The following MNT variants were observed in gnomAD, a reference collection of about 807,000 sequenced individuals.
MNT encodes MAX network transcriptional repressor.
Under a neutral mutation model 40.7 loss-of-function variants are expected in MNT, and 13 were observed. That is an observed-to-expected ratio of 0.32 (90% CI 0.21 to 0.51). The LOEUF (loss-of-function observed/expected upper bound fraction) is 0.51. Ranked by LOEUF, MNT falls within the 20% of genes least tolerant of loss-of-function variation. MNT has a pLI of 0.98. For missense variants in MNT, 757 were observed against 792.0 expected (o/e 0.96, Z 0.53); for synonymous variants, 426 against 354.8 (o/e 1.20, Z -2.26).
At chr17:2,389,879 G>A (rs557016747) in intron 4 of MNT, 1 of 152,630 alleles carries the variant, frequency 6.6e-6, no homozygotes, top group Middle Eastern at 3.3e-3. Context: ...TCTGGGTGGG[G>A]CGGTGGGTCA....
At chr17:2,395,555 C>A in intron 1 of MNT, 101 bp from the exon 2 acceptor site, 4 of 1,545,304 alleles carry the variant, frequency 2.6e-6, no homozygotes, top group Non-Finnish European at 3.5e-6. Flanking sequence ...CTCAGTGACA[C>A]CCCTGCTCAG....
intron 1 of MNT, chr17:2,396,324 C>A: frequency 6.5e-6 from 1 of 153,592 alleles, no homozygotes. Flanking sequence ...CCACCAGCAG[C>A]AGCGCCAGCA....
At chr17:2,394,467 A>C in intron 2 of MNT, 121 bp from the exon 3 acceptor site, 1 of 1,450,024 alleles carries the variant, frequency 6.9e-7, no homozygotes, top group Non-Finnish European at 9.5e-7. Flanking sequence ...CTTAAAGCAG[A>C]CTGGGAGACG....
At position 2,384,918 on chromosome 17, in the gene MNT, A is replaced by G. The variant is rs1324637317; in HGVS notation, c.*1983T>C. ...AGGTATCTGTGCAGGCCCGGGGGCC[A>G]CTGGCCTCAGGATGCAGGGAGAGGT... On this transcript the variant is annotated 3_prime_UTR_variant, in exon 6 of 6. Coordinates refer to ENST00000174618, the MANE Select transcript of MNT (RefSeq NM_020310.3). 4 of 152,474 alleles carry G rather than the reference A, an allele frequency of 2.6e-5. No homozygotes were observed. Among genetic ancestry groups the G allele is most frequent in the African/African-American group, 9.7e-5 (4 of 41,398 alleles). The allele number at this position is 152,474 out of a possible 1,614,324, so 9.4% of individuals were successfully genotyped here.
At position 2,400,941 on chromosome 17, in the gene MNT, A is replaced by G. The variant is rs1384114627; in HGVS notation, c.-229T>C. The stretch of plus-strand genomic sequence containing the variant: ...TGCAAATTTAAAAAAATGGGATGCA[A>G]AAAAAAAAAAAAGGCGGCACTGCCT... On this transcript the variant is annotated 5_prime_UTR_variant, in exon 1 of 6. Coordinates refer to ENST00000174618, the MANE Select transcript of MNT (RefSeq NM_020310.3). The G allele has an allele frequency of 9.7e-6, 2 of 206,778 alleles. No individual in the cohort carries two copies. Among genetic ancestry groups the G allele is most frequent in the Non-Finnish European group, 1.9e-5 (2 of 103,982 alleles). 12.8% of individuals were successfully genotyped at this position (206,778 alleles called of 1,614,324 possible).
At chr17:2,388,299 G>A in intron 4 of MNT, 1 of 476,436 alleles carries the variant, frequency 2.1e-6, no homozygotes, top group South Asian at 3.3e-5. Context: ...AGGTGTGCAG[G>A]TCCTTCCCTG....
chr17:2,395,209 A>AGGGTGG lies in MNT; in HGVS notation c.313_318dup (p.Pro105_Pro106dup). ...GGCAGAGGCTGGGCTGCCGCGGGCAAGGGTGGGGGTGGGGGTAGAGGCTGA... is the reference window on the plus strand; with the variant it reads ...GGCAGAGGCTGGGCTGCCGCGGGCAAGGGTGGGGGTGGGGGTGGGGGTAGAGGCTGA... On this transcript the variant is annotated inframe_insertion, in exon 2 of 6. Transcript: ENST00000174618. 1 of 471,202 alleles carries AGGGTGG rather than the reference A, an allele frequency of 2.1e-6. No homozygotes were observed. The highest frequency in any genetic ancestry group is 3.0e-6 in the Non-Finnish European group (1 of 331,160). The allele number at this position is 471,202 out of a possible 1,614,324, so 29.2% of individuals were successfully genotyped here.
intron 4 of MNT, chr17:2,390,999 T>C (rs1371297947): frequency 6.6e-6 from 1 of 152,258 alleles, no homozygotes; most frequent in African/African-American, 2.4e-5. Context: ...GTGGCTTTTC[T>C]TTTTTTGGAG....
chr17:2,398,629 C>T (rs1314113106), intron 1 of MNT, among the ~76,000 whole-genome samples: 2 of 152,222 alleles, frequency 1.3e-5, no homozygotes, highest in Non-Finnish European at 1.5e-5. Flanking sequence ...TCTACAAAGA[C>T]CTCTGACCGG....
chr17:2,394,277 G>GCACGCACGCACACACACACACA lies in MNT; in HGVS notation c.695+27_695+28insTGTGTGTGTGTGTGCGTGCGTG, dbSNP rs539682697. The GCACGCACGCACACACACACACA allele has an allele frequency of 1.7e-5, 25 of 1,489,240 alleles. No homozygotes were observed. The East Asian group carries it at 2.4e-4, about 14-fold the overall frequency. The allele number at this position is 1,489,240 out of a possible 1,614,324, so 92.3% of individuals were successfully genotyped here. On this transcript the variant is annotated intron_variant, in intron 3 of 5. Coordinates refer to ENST00000174618, the MANE Select transcript of MNT (RefSeq NM_020310.3). ...CCGGGTCGCGCGCGCACGCACGCAC[G>GCACGCACGCACACACACACACA]CACACACACACACACACACACACAC... is the stretch of plus-strand genomic sequence containing the variant.
At chr17:2,388,577 G>A (rs544936960) in intron 4 of MNT, among the ~76,000 whole-genome samples, 7 of 151,928 alleles carry the variant, frequency 4.6e-5, no homozygotes, top group Admixed American at 3.3e-4. Flanking sequence ...CCCCCTAGGC[G>A]ACTCTCCACT....
At chr17:2,388,482 G>A (rs900531158) in intron 4 of MNT, among the ~76,000 whole-genome samples, 2 of 152,058 alleles carry the variant, frequency 1.3e-5, no homozygotes, top group African/African-American at 2.4e-5. Flanking sequence ...TGCACGATGA[G>A]CCACTAGGCA....
In MNT at chr17:2,401,030, C is replaced by A. The variant is rs2066611539; in HGVS notation, c.-318G>T. ...TCCCGCCCCGCGGCCCCCGGGAGTC[C>A]CGCCGACAAGAAAGGGCTTTGCAAC... is the stretch of plus-strand genomic sequence containing the variant. On this transcript the variant is annotated 5_prime_UTR_variant, in exon 1 of 6. Coordinates refer to ENST00000174618, the MANE Select transcript of MNT (RefSeq NM_020310.3). 1 of 252,134 alleles carries A rather than the reference C, an allele frequency of 4.0e-6. No individual in the cohort carries two copies. Among genetic ancestry groups the A allele is most frequent in the Non-Finnish European group, 7.6e-6 (1 of 131,568 alleles). 15.6% of individuals were successfully genotyped at this position (252,134 alleles called of 1,614,324 possible).
In MNT at chr17:2,400,992, C is replaced by T. The variant is rs2066611374; in HGVS notation, c.-280G>A. On this transcript the variant is annotated 5_prime_UTR_variant, in exon 1 of 6. Transcript: ENST00000174618. ...CCCTTCTTCCCCTCCCTCTCTACCT[C>T]CCTTCCGATGCCTCCCGCCCCGCGG... 1 of 318,534 alleles carries T rather than the reference C, an allele frequency of 3.1e-6. No individual in the cohort carries two copies. The highest frequency in any genetic ancestry group is 5.4e-5 in the Admixed American group (1 of 18,586). 19.7% of individuals were successfully genotyped at this position (318,534 alleles called of 1,614,324 possible).
rs370273802 is a variant in MNT, at chr17:2,395,352, C to T, written c.176G>A (p.Arg59His). The change falls in exon 2 of 6, where the codon CGC (arginine) becomes CAC (histidine). Residue 59 changes from arginine to histidine, a missense_variant. This residue lies in a region of MNT where 335 missense variants were observed against 291.4 expected (regional missense o/e 1.15). Coordinates refer to ENST00000174618, the MANE Select transcript of MNT (RefSeq NM_020310.3). ...LAHTLPVEEP[R>H]MEAPPLPLSP... is the part of the protein sequence containing the mutation. ...CAGAGGCAGGGGTGGCGCCTCCATG[C>T]GGGGTTCCTCCACAGGAAGGGTATG... The T allele has an allele frequency of 3.2e-5, 52 of 1,612,768 alleles. No homozygotes were observed. Among genetic ancestry groups the T allele is most frequent in the Admixed American group, 2.0e-4 (12 of 59,936 alleles).
At position 2,387,462 on chromosome 17, in the gene MNT, G is replaced by A. The variant is rs2066475274; in HGVS notation, c.1188C>T (p.Leu396=). 6.2e-7 allele frequency: 1 copy of A among 1,611,742 alleles called. No individual in the cohort carries two copies. The highest frequency in any genetic ancestry group is 1.7e-5 in the Admixed American group (1 of 59,910). ...PHSVALPPAH[L]PVQQQQPQQK... is the part of the protein sequence containing the mutation. ...GCTGTGGCTGCTGCTGCTGCACGGG[G>A]AGGTGGGCAGGAGGTAGGGCCACGG... The change falls in exon 6 of 6, where the codon CTC becomes CTT. Residue 396 remains leucine (L), a synonymous_variant. Transcript: ENST00000174618.
At chr17:2,392,110 C>G (rs1400343696) in intron 4 of MNT, 1 of 152,210 alleles carries the variant, frequency 6.6e-6, no homozygotes, top group Non-Finnish European at 1.5e-5. Context: ...ATCCCGCCGC[C>G]CGGTCCCTAT....
At chr17:2,394,242 C>T (rs1234238915) in intron 3 of MNT, 63 bp downstream of exon 3, 2 of 1,593,218 alleles carry the variant, frequency 1.3e-6, no homozygotes, top group Non-Finnish European at 1.7e-6. Flanking sequence ...GGGCCGAGGG[C>T]CGCCGGGGCC....
Position 2,386,943 on chromosome 17 carries a change from G to A in MNT, c.1707C>T (p.Val569=), listed in dbSNP as rs777069076. 6.7e-7 allele frequency: 1 copy of A among 1,498,438 alleles called. No individual in the cohort carries two copies. Among genetic ancestry groups the A allele is most frequent in the Non-Finnish European group, 8.9e-7 (1 of 1,121,572 alleles). The allele number at this position is 1,498,438 out of a possible 1,614,324, so 92.8% of individuals were successfully genotyped here. The change falls in exon 6 of 6, where the codon GTC becomes GTT. Residue 569 remains valine, a synonymous_variant. Coordinates refer to ENST00000174618, the MANE Select transcript of MNT (RefSeq NM_020310.3). The stretch of plus-strand genomic sequence containing the variant: ...TGCTGACTGGGAAGGAGGGCATGGT[G>A]ACCATGGTCACAGGGTTGAGCACGG... The part of the protein sequence containing the change: ...GQTVLNPVTM[V]TMPSFPVSTL...
Sources: gnomAD v4.1 joint callset for allele counts (sites outside exome capture counted in the v4.1 genomes callset) on GRCh38, gnomAD v4.1.1 for gene constraint, gnomAD v4.1.1 regional missense constraint, MANE v1.5 for transcripts, NCBI Gene and HGNC (gene_info 2026-07-23, HGNC 2026-07-21) for gene names.